The following COL26A1 variants were observed in gnomAD, a reference collection of about 807,000 sequenced individuals.
The protein encoded by COL26A1 is collagen alpha-1(XXVI) chain.
A neutral mutation model predicts 59.3 loss-of-function variants in COL26A1; 41 were observed. The ratio of observed to expected loss-of-function variants is 0.69; its 90% CI spans 0.54 to 0.90. The LOEUF is 0.90. Ranked by LOEUF, COL26A1 falls within the 40% of genes least tolerant of loss-of-function variation. COL26A1 has a pLI of 0.00. For missense variants in COL26A1, 612 were observed against 602.3 expected (o/e 1.02, Z -0.17); for synonymous variants, 266 against 256.0 (o/e 1.04, Z -0.37).
intron 1 of COL26A1, among the ~76,000 whole-genome samples, chr7:101,418,851 T>C (rs1313588239): frequency 6.6e-6 from 1 of 152,002 alleles, no homozygotes; most frequent in Non-Finnish European, 1.5e-5. Context: ...CGTCCCTTCC[T>C]CTTTCCTCCT....
intron 3 of COL26A1, among the ~76,000 whole-genome samples, chr7:101,459,857 A>C (rs1279964544): frequency 5.3e-5 from 8 of 152,152 alleles, no homozygotes; most frequent in African/African-American, 1.9e-4. Flanking sequence ...TAGCTAGTCC[A>C]TCCAAGCGTG....
chr7:101,387,772 A>ATTTTTTTTT (rs1374717696), intron 1 of COL26A1, among the ~76,000 whole-genome samples: 2 of 42,510 alleles, frequency 4.7e-5, no homozygotes, highest in Admixed American at 4.2e-4. Context: ...ATATATATAT[A>ATTTTTTTTT]TATATATTTT....
intron 3 of COL26A1, among the ~76,000 whole-genome samples, chr7:101,467,533 C>T (rs769131636): frequency 1.3e-4 from 19 of 151,792 alleles, no homozygotes; most frequent in Admixed American, 3.9e-4. Flanking sequence ...TGGCTGCTGC[C>T]ATCTTGTCTG....
chr7:101,425,684 G>A (rs12536357), intron 2 of COL26A1, among the ~76,000 whole-genome samples: 94,137 of 151,106 alleles, frequency 0.62, 29,474 homozygotes, highest in African/African-American at 0.67. Flanking sequence ...TGTATATTTA[G>A]TGGAAATGGG....
intron 7 of COL26A1, 21 bp from the exon 8 acceptor site, chr7:101,547,135 G>T (rs755165814): frequency 2.4e-5 from 38 of 1,557,910 alleles, no homozygotes; most frequent in Non-Finnish European, 3.2e-5. Flanking sequence ...CAGACCCCTG[G>T]CCGCTCCGCT....
At chr7:101,441,385 C>G (rs1183844693) in intron 2 of COL26A1, among the ~76,000 whole-genome samples, 2 of 152,202 alleles carry the variant, frequency 1.3e-5, no homozygotes, top group African/African-American at 2.4e-5. Flanking sequence ...AATCTCAGCT[C>G]ACTTCTATCT....
chr7:101,490,797 G>A (rs1042083204), intron 3 of COL26A1, among the ~76,000 whole-genome samples: 3 of 151,996 alleles, frequency 2.0e-5, no homozygotes, highest in Admixed American at 6.6e-5. Flanking sequence ...TCAGGAGTTC[G>A]AGACCAGCCT....
rs10565419 is a variant in COL26A1, at chr7:101,428,357, C to CA, written c.281+8274dup. Among the ~76,000 whole-genome samples, 215 of 130,628 alleles carry CA rather than the reference C, an allele frequency of 1.6e-3. 1 individual carries two copies. The East Asian group carries it at 0.035, about 21-fold the overall frequency. The allele number at this position is 130,628 out of a possible 152,430, so 85.7% of individuals were successfully genotyped here. A position where few individuals can be genotyped will look rare whatever the true frequency, so the allele number is the denominator to read the frequency against. Reference sequence around the variant, plus strand: ...TGGGCAACACAGTGAGACCCTGTCTCAAAAAAAAAAAAAAAAGGCAAAGAG... The same window carrying CA: ...TGGGCAACACAGTGAGACCCTGTCTCAAAAAAAAAAAAAAAAAGGCAAAGAG... On this transcript the variant is annotated intron_variant, in intron 2 of 12. Transcript: ENST00000313669.
intron 2 of COL26A1, among the ~76,000 whole-genome samples, chr7:101,430,111 T>G (rs997535206): frequency 1.3e-5 from 2 of 152,160 alleles, no homozygotes; most frequent in African/African-American, 4.8e-5. Context: ...GATCTCTTTT[T>G]ATTTCTTCCA....
chr7:101,362,548 C>T (rs1441622498), upstream of COL26A1, among the ~76,000 whole-genome samples: 4 of 152,174 alleles, frequency 2.6e-5, no homozygotes, highest in Non-Finnish European at 4.4e-5. Flanking sequence ...TGAATGGGAC[C>T]ATCGAGGGCA....
chr7:101,541,508 C>CTTTT (rs60734069), intron 5 of COL26A1, among the ~76,000 whole-genome samples: 1 of 137,044 alleles, frequency 7.3e-6, no homozygotes, highest in African/African-American at 2.7e-5. Context: ...CCACACTTGG[C>CTTTT]TTTTTTTTTT....
chr7:101,392,866 G>T (rs1375380719), intron 1 of COL26A1, among the ~76,000 whole-genome samples: 6 of 152,140 alleles, frequency 3.9e-5, no homozygotes, highest in Non-Finnish European at 2.9e-5. Flanking sequence ...CGGGTGGGAC[G>T]CAGGAGAGTG....
chr7:101,375,231 TCCTTCA>T (rs1791286512), intron 1 of COL26A1, among the ~76,000 whole-genome samples: 1 of 152,152 alleles, frequency 6.6e-6, no homozygotes. Flanking sequence ...TTAGAGTGTT[TCCTTCA>T]TAAGGTCATT....
At chr7:101,505,338 G>T (rs192582077) in intron 3 of COL26A1, among the ~76,000 whole-genome samples, 3 of 152,158 alleles carry the variant, frequency 2.0e-5, no homozygotes, top group Non-Finnish European at 2.9e-5. Flanking sequence ...CTCTGTGTGT[G>T]CATGGGTGCA....
chr7:101,371,938 C>T (rs773451583), intron 1 of COL26A1, among the ~76,000 whole-genome samples: 1 of 152,062 alleles, frequency 6.6e-6, no homozygotes, highest in Non-Finnish European at 1.5e-5. Context: ...TTGTGGGAGC[C>T]TGGGAGTCTT....
chr7:101,480,447 T>C (rs1794131013), intron 3 of COL26A1, among the ~76,000 whole-genome samples: 1 of 152,170 alleles, frequency 6.6e-6, no homozygotes, highest in Admixed American at 6.6e-5. Flanking sequence ...ATTAGAGTTT[T>C]TATTTTCTCA....
intron 3 of COL26A1, among the ~76,000 whole-genome samples, chr7:101,509,088 C>A (rs969347871): frequency 6.6e-6 from 1 of 152,080 alleles, no homozygotes; most frequent in Non-Finnish European, 1.5e-5. Context: ...GAAGGGGGAG[C>A]TGATGCGTCG....
Position 101,407,725 on chromosome 7 carries a change from C to A in COL26A1, c.159-12252C>A, listed in dbSNP as rs112739797. On this transcript the variant is annotated intron_variant, in intron 1 of 12. Transcript: ENST00000313669. ...TGAAAGCACCTCTCCATAAAACATA[C>A]CCCCTAGCACCATAACGATTTACCA... Among the ~76,000 whole-genome samples, 632 of 151,932 alleles carry A rather than the reference C, an allele frequency of 4.2e-3. 4 individuals carry two copies. The highest frequency in any genetic ancestry group is 0.015 in the African/African-American group (608 of 41,438).
chr7:101,520,663 C>CACACACACACACACACACACACA (rs57784373), intron 3 of COL26A1, among the ~76,000 whole-genome samples: 11 of 139,054 alleles, frequency 7.9e-5, no homozygotes, highest in African/African-American at 2.5e-4. Context: ...CACACACACA[C>CACACACACACACACACACACACA]CCCCGTGTTC....
Sources: gnomAD v4.1 joint callset for allele counts (sites outside exome capture counted in the v4.1 genomes callset) on GRCh38, gnomAD v4.1.1 for gene constraint, MANE v1.5 for transcripts, NCBI Gene and HGNC (gene_info 2026-07-23, HGNC 2026-07-21) for gene names.